The following OXCT1 variants were observed in gnomAD, a reference collection of about 807,000 sequenced individuals.
The protein encoded by OXCT1 is succinyl-CoA:3-ketoacid coenzyme A transferase 1, mitochondrial.
In OXCT1, 27 loss-of-function variants were observed where a neutral mutation model predicts 69.6. The ratio of observed to expected loss-of-function variants is 0.39; its 90% CI spans 0.29 to 0.54. The LOEUF (loss-of-function observed/expected upper bound fraction) is 0.54, where lower values mean the gene tolerates loss of function less well. OXCT1 is among the 20% of genes least tolerant of loss of function. OXCT1 has a pLI of 0.72. For synonymous variants in OXCT1, 202 were observed against 217.8 expected, an observed-to-expected ratio of 0.93 and a Z score of 0.64; for missense variants, 437 against 650.2, an observed-to-expected ratio of 0.67 and a Z score of 3.57.
intron 7 of OXCT1, among the ~76,000 whole-genome samples, chr5:41,811,513 A>G (rs191264295): frequency 6.6e-6 from 1 of 152,148 alleles, no homozygotes; most frequent in Non-Finnish European, 1.5e-5. Context: ...TCTTTCTCAA[A>G]GATTCAAATG....
chr5:41,869,110 T>A (rs1438689452), intron 1 of OXCT1, among the ~76,000 whole-genome samples: 1 of 152,158 alleles, frequency 6.6e-6, no homozygotes, highest in Non-Finnish European at 1.5e-5. Flanking sequence ...TATATCCAAG[T>A]CTATCTGCAG....
intron 7 of OXCT1, among the ~76,000 whole-genome samples, chr5:41,817,724 A>AC (rs1747320284): frequency 6.6e-6 from 1 of 152,204 alleles, no homozygotes; most frequent in African/African-American, 2.4e-5. Context: ...CTAGGTAACT[A>AC]CCATATGGCT....
rs544345952 is a variant in OXCT1, at chr5:41,794,068, C to T, written c.1183G>A (p.Asp395Asn). Reference sequence around the variant, plus strand: ...TGCATCGCTCCTAGCATTGTCAGATCGACGTGTCCACTGAGAAAGAAAGAG... The same window carrying T: ...TGCATCGCTCCTAGCATTGTCAGATTGACGTGTCCACTGAGAAAGAAAGAG... ...SFAMIRGGHV[D>N]LTMLGAMQVS... Residue 395 changes from aspartate (D) to asparagine (N), a missense_variant, in exon 13 of 17, where the codon GAT becomes AAT. Coordinates refer to ENST00000196371, the MANE Select transcript of OXCT1 (RefSeq NM_000436.4). 552 of 1,612,470 alleles carry T rather than the reference C, an allele frequency of 3.4e-4. 5 individuals are homozygous for T. The South Asian group carries it at 5.5e-3, about 16-fold the overall frequency.
intron 12 of OXCT1, 58 bp downstream of exon 12, chr5:41,794,619 A>T: frequency 6.7e-7 from 1 of 1,482,338 alleles, no homozygotes; most frequent in South Asian, 1.1e-5. Flanking sequence ...ACACACTCAG[A>T]CGATGACTCA....
At chr5:41,852,228 G>T (rs976957118) in intron 4 of OXCT1, among the ~76,000 whole-genome samples, 5 of 152,124 alleles carry the variant, frequency 3.3e-5, no homozygotes, top group African/African-American at 9.7e-5. Context: ...TCAAAAAACT[G>T]AGAAAATTGA....
intron 13 of OXCT1, among the ~76,000 whole-genome samples, chr5:41,767,722 G>GTGTATATATATATA (rs1554011237): frequency 2.4e-4 from 22 of 89,946 alleles, no homozygotes; most frequent in African/African-American, 7.5e-4. Flanking sequence ...ATATGTGTGT[G>GTGTATATATATATA]TATATATATA....
intron 12 of OXCT1, 59 bp from the exon 13 acceptor site, chr5:41,794,137 A>G: frequency 1.6e-6 from 2 of 1,264,296 alleles, no homozygotes; most frequent in Non-Finnish European, 2.3e-6. Flanking sequence ...CCTTTGCTTG[A>G]ACTTGCCAGC....
intron 1 of OXCT1, among the ~76,000 whole-genome samples, chr5:41,865,934 A>C (rs1749944300): frequency 6.6e-6 from 1 of 151,466 alleles, no homozygotes; most frequent in South Asian, 2.1e-4. Context: ...GTTTAGTTTT[A>C]ATTTTAATTG....
At chr5:41,731,806 A>G (rs754686745) in intron 16 of OXCT1, 36 bp from the exon 17 acceptor site, 4 of 1,589,012 alleles carry the variant, frequency 2.5e-6, no homozygotes, top group Non-Finnish European at 3.4e-6. Flanking sequence ...AATTATGAAA[A>G]ACTGCATGAT....
At chr5:41,820,045 C>A (rs369578160) in intron 7 of OXCT1, among the ~76,000 whole-genome samples, 1 of 152,246 alleles carries the variant, frequency 6.6e-6, no homozygotes, top group East Asian at 1.9e-4. Context: ...TACCCTGTAC[C>A]TTTTCTTCCC....
At chr5:41,754,406 G>C (rs911661522) in intron 14 of OXCT1, among the ~76,000 whole-genome samples, 13 of 151,974 alleles carry the variant, frequency 8.6e-5, no homozygotes, top group African/African-American at 3.1e-4. Context: ...CACTATAACT[G>C]ATGTAGCTGG....
intron 7 of OXCT1, among the ~76,000 whole-genome samples, chr5:41,833,358 T>C (rs932057751): frequency 9.9e-5 from 15 of 151,988 alleles, no homozygotes; most frequent in African/African-American, 3.6e-4. Flanking sequence ...CATGACATAT[T>C]TAAAGGACTG....
intron 15 of OXCT1, among the ~76,000 whole-genome samples, chr5:41,747,830 C>G (rs930842899): frequency 5.3e-5 from 8 of 152,014 alleles, no homozygotes; most frequent in Admixed American, 3.3e-4. Flanking sequence ...TTTAATAACA[C>G]CAAAAATCTT....
At chr5:41,808,030 T>G (rs935976837) in intron 7 of OXCT1, among the ~76,000 whole-genome samples, 2 of 152,042 alleles carry the variant, frequency 1.3e-5, no homozygotes, top group Non-Finnish European at 2.9e-5. Flanking sequence ...ACTGAAATAT[T>G]AATTAATAAC....
chr5:41,741,248 G>A lies in OXCT1; in HGVS notation c.1420-1757C>T, dbSNP rs143084165. ...GCAAGGATTACAGGAGTGAGCCACC[G>A]CTTAACCAATTTTTCAATTGGCTTG... On this transcript the variant is annotated intron_variant, in intron 15 of 16. Coordinates refer to ENST00000196371, the MANE Select transcript of OXCT1 (RefSeq NM_000436.4). Among the ~76,000 whole-genome samples, 5 of 152,168 alleles carry A rather than the reference G, an allele frequency of 3.3e-5. No individual in the cohort carries two copies. In the East Asian group the frequency reaches 5.8e-4, roughly 18 times the overall value.
intron 2 of OXCT1, among the ~76,000 whole-genome samples, chr5:41,862,252 G>A (rs1368840122): frequency 6.6e-6 from 1 of 152,106 alleles, no homozygotes; most frequent in Non-Finnish European, 1.5e-5. Context: ...CAGTGGGGGA[G>A]GTCAATACAT....
At chr5:41,757,909 G>C (rs1744162853) in intron 14 of OXCT1, among the ~76,000 whole-genome samples, 1 of 152,074 alleles carries the variant, frequency 6.6e-6, no homozygotes, top group Non-Finnish European at 1.5e-5. Context: ...GTAGAACCAA[G>C]CAGTGTTGAC....
chr5:41,735,153 T>C (rs528050856), intron 16 of OXCT1, among the ~76,000 whole-genome samples: 1 of 152,342 alleles, frequency 6.6e-6, no homozygotes, highest in Admixed American at 6.5e-5. Flanking sequence ...TCCATGTTCT[T>C]TGCAGCACTA....
Position 41,731,243 on chromosome 5 carries a change from G to T in OXCT1, c.*486C>A. On this transcript the variant is annotated 3_prime_UTR_variant, in exon 17 of 17. Transcript: ENST00000196371. ...GTATGGGAGGAAGGGGGATGTTCTA[G>T]GGGGACAAGATGTAATCATAAAATC... 6.2e-6 allele frequency: 2 copies of T among 320,794 alleles called. No individual in the cohort carries two copies. Among genetic ancestry groups the T allele is most frequent in the Non-Finnish European group, 9.2e-6 (2 of 217,366 alleles). 19.9% of individuals were successfully genotyped at this position (320,794 alleles called of 1,614,324 possible).
Sources: allele counts gnomAD v4.1 joint callset (sites outside exome capture counted in the v4.1 genomes callset), GRCh38; gene constraint gnomAD v4.1.1; transcripts MANE v1.5; gene names NCBI Gene and HGNC (gene_info 2026-07-23, HGNC 2026-07-21).